The following SLC38A9 variants were observed in gnomAD, a reference collection of about 807,000 sequenced individuals.
SLC38A9 encodes the protein solute carrier family 38 member 9.
SLC38A9 carries 48 observed loss-of-function variants against 62.3 expected under a neutral mutation model. That is an observed-to-expected ratio of 0.77 (90% CI 0.61 to 0.98). The LOEUF is 0.98. Ranked by LOEUF, SLC38A9 falls within the 50% of genes least tolerant of loss-of-function variation. The pLI is 0.00. For missense variants in SLC38A9, 541 were observed against 679.8 expected (o/e 0.80, Z 2.27); for synonymous variants, 204 against 227.7 (o/e 0.90, Z 0.94).
chr5:55,697,689 A>G (rs1240538926), intron 3 of SLC38A9, among the ~76,000 whole-genome samples, 157 bp downstream of exon 3: 1 of 151,908 alleles, frequency 6.6e-6, no homozygotes, highest in Non-Finnish European at 1.5e-5. Context: ...AAACCAGTAA[A>G]TAGTATTCCT....
chr5:55,639,015 C>A (rs548053890), intron 12 of SLC38A9, among the ~76,000 whole-genome samples: 1 of 151,936 alleles, frequency 6.6e-6, no homozygotes, highest in Non-Finnish European at 1.5e-5. Flanking sequence ...TGGTAAGATA[C>A]GACAAAAGAA....
chr5:55,702,758 C>T (rs1212095703), intron 2 of SLC38A9: 1 of 152,020 alleles, frequency 6.6e-6, no homozygotes, highest in Non-Finnish European at 1.5e-5. Flanking sequence ...TTATGTGACA[C>T]AGATGTTAGT....
chr5:55,638,341 G>C (rs908317027), intron 12 of SLC38A9, among the ~76,000 whole-genome samples: 4 of 152,030 alleles, frequency 2.6e-5, no homozygotes, highest in African/African-American at 9.7e-5. Context: ...TAATGGAACA[G>C]GATAGAAAAA....
rs1423458123 is a variant in SLC38A9 at position 55,626,506 on chromosome 5, C to G, written c.1674G>C (p.Gln558His). Reference sequence around the variant, plus strand: ...CAGTTGAGGTATTTCACATAAAAAACTGAACAATCAGGTTAGCCACGCCCA... The same window carrying G: ...CAGTTGAGGTATTTCACATAAAAAAGTGAACAATCAGGTTAGCCACGCCCA... ...IILGVANLIV[Q>H]FFM is the part of the protein sequence containing the mutation. Residue 558 changes from glutamine to histidine, a missense_variant, in exon 16 of 16, where the codon CAG becomes CAC. Transcript: ENST00000396865. The G allele has an allele frequency of 1.2e-6, 2 of 1,607,452 alleles. No homozygotes were observed. The highest frequency in any genetic ancestry group is 1.7e-5 in the Admixed American group (1 of 58,970).
At chr5:55,647,724 TAGTC>T (rs530425829) in intron 11 of SLC38A9, among the ~76,000 whole-genome samples, 1 of 152,316 alleles carries the variant, frequency 6.6e-6, no homozygotes, top group East Asian at 1.9e-4. Flanking sequence ...AGTGGGTAAA[TAGTC>T]AGCTTTTTCC....
intron 6 of SLC38A9, 66 bp from the exon 7 acceptor site, chr5:55,669,387 T>A: frequency 7.0e-7 from 1 of 1,422,392 alleles, no homozygotes; most frequent in Non-Finnish European, 9.7e-7. Flanking sequence ...TATGCAATTA[T>A]TTTACCCTAA....
chr5:55,640,790 TCTTA>T (rs138665303), intron 12 of SLC38A9, among the ~76,000 whole-genome samples: 6,505 of 152,284 alleles, frequency 0.043, 218 homozygotes, highest in African/African-American at 0.092. Context: ...CATTAAATAC[TCTTA>T]CTGTCAGTTA....
intron 14 of SLC38A9, among the ~76,000 whole-genome samples, chr5:55,630,326 GT>G (rs1217306737): frequency 6.6e-6 from 1 of 150,502 alleles, no homozygotes; most frequent in African/African-American, 2.4e-5. Flanking sequence ...GTTTGTTTTT[GT>G]TTTTTTTTGA....
intron 2 of SLC38A9, among the ~76,000 whole-genome samples, chr5:55,707,848 T>C (rs770653659): frequency 3.3e-5 from 5 of 152,202 alleles, no homozygotes; most frequent in Non-Finnish European, 7.3e-5. Flanking sequence ...AGAACCCTTA[T>C]GAATGGAGTT....
At position 55,633,555 on chromosome 5, in the gene SLC38A9, G is replaced by A; in HGVS notation, c.1430+199C>T. On this transcript the variant is annotated intron_variant, in intron 14 of 15. Coordinates refer to ENST00000396865, the MANE Select transcript of SLC38A9 (RefSeq NM_173514.4). Reference sequence around the variant, plus strand: ...GCTAATTAACTATACTGGAAGGAATGAACTTTAAATCATTCTAGACAAGGG... The same window carrying A: ...GCTAATTAACTATACTGGAAGGAATAAACTTTAAATCATTCTAGACAAGGG... The A allele has an allele frequency of 5.1e-6, 3 of 589,804 alleles. No individual in the cohort carries two copies. The South Asian group carries it at 7.9e-5, about 15-fold the overall frequency. 36.5% of individuals were successfully genotyped at this position (589,804 alleles called of 1,614,324 possible).
intron 8 of SLC38A9, 51 bp downstream of exon 8, chr5:55,664,642 G>C: frequency 1.0e-6 from 1 of 994,352 alleles, no homozygotes; most frequent in South Asian, 2.6e-5. Context: ...CATTACAGTG[G>C]TAATAGTATT....
chr5:55,638,808 T>G (rs1744896740), intron 12 of SLC38A9, among the ~76,000 whole-genome samples: 1 of 151,962 alleles, frequency 6.6e-6, no homozygotes, highest in African/African-American at 2.4e-5. Context: ...TTTCAAATCG[T>G]TTTAAAGAAC....
At chr5:55,708,916 C>T (rs938943169) in intron 2 of SLC38A9, among the ~76,000 whole-genome samples, 4 of 152,130 alleles carry the variant, frequency 2.6e-5, no homozygotes, top group Admixed American at 2.6e-4. Context: ...GTTTACTCAC[C>T]TCTGTAGTAT....
chr5:55,665,553 A>G (rs949657012), intron 7 of SLC38A9, among the ~76,000 whole-genome samples: 1 of 151,830 alleles, frequency 6.6e-6, no homozygotes, highest in Non-Finnish European at 1.5e-5. Context: ...TCTCAAAAAA[A>G]AAAAAAGAAA....
At chr5:55,648,967 T>G (rs11749308) in intron 11 of SLC38A9, among the ~76,000 whole-genome samples, 90,447 of 151,984 alleles carry the variant, frequency 0.6, 27,585 homozygotes, top group South Asian at 0.7. Flanking sequence ...CACAGAAAAT[T>G]CAAGTATTAG....
At chr5:55,657,506 C>A (rs1463883322) in intron 8 of SLC38A9, among the ~76,000 whole-genome samples, 19 of 90,484 alleles carry the variant, frequency 2.1e-4, no homozygotes, top group Non-Finnish European at 4.4e-4. Flanking sequence ...TTTTTTTTTA[C>A]AAAGTACAAT....
chr5:55,644,801 T>C (rs900210115), intron 12 of SLC38A9, among the ~76,000 whole-genome samples: 18 of 152,256 alleles, frequency 1.2e-4, no homozygotes, highest in Non-Finnish European at 2.4e-4. Context: ...TGTGCCATGC[T>C]GGTGTGCTGC....
rs182892056 is a variant in SLC38A9 at position 55,666,585 on chromosome 5, A to G, written c.527-1722T>C. Among the ~76,000 whole-genome samples the G allele has an allele frequency of 2.2e-3, 267 of 123,562 alleles. 1 individual carries two copies. The highest frequency in any genetic ancestry group is 0.014 in the South Asian group (46 of 3,306). The allele number at this position is 123,562 out of a possible 152,430, so 81.1% of individuals were successfully genotyped here. ...CATCTAGATAAAGAACATGAGGACA[A>G]TATCACTATCAAGAATAACTGTTTC... On this transcript the variant is annotated intron_variant, in intron 7 of 15. Transcript: ENST00000396865.
intron 12 of SLC38A9, among the ~76,000 whole-genome samples, chr5:55,641,665 A>AT (rs1309380458): frequency 6.6e-6 from 1 of 152,208 alleles, no homozygotes; most frequent in Non-Finnish European, 1.5e-5. Context: ...TCAAGTATCC[A>AT]TTTTTTGTAA....
Sources: gnomAD v4.1 joint callset for allele counts (sites outside exome capture counted in the v4.1 genomes callset) on GRCh38, gnomAD v4.1.1 for gene constraint, MANE v1.5 for transcripts, NCBI Gene and HGNC (gene_info 2026-07-23, HGNC 2026-07-21) for gene names.